The following KNL1 variants were observed in gnomAD, a reference collection of about 807,000 sequenced individuals.
KNL1 encodes kinetochore scaffold 1.
A neutral mutation model predicts 201.3 loss-of-function variants in KNL1; 66 were observed. The observed-to-expected ratio is 0.33, with a 90% CI of 0.27 to 0.40. The LOEUF (loss-of-function observed/expected upper bound fraction) is 0.40. Ranked by LOEUF, KNL1 falls within the 10% of genes least tolerant of loss-of-function variation. KNL1 has a pLI of 1.00. For synonymous variants in KNL1, 895 were observed against 899.2 expected, an observed-to-expected ratio of 1.00 and a Z score of 0.08; for missense variants, 2,815 against 2,690.5, an observed-to-expected ratio of 1.05 and a Z score of -1.02.
At chr15:40,634,225 G>T (rs1007131763) in intron 13 of KNL1, among the ~76,000 whole-genome samples, 1 of 152,126 alleles carries the variant, frequency 6.6e-6, no homozygotes, top group Non-Finnish European at 1.5e-5. Flanking sequence ...TTCTGCCTCA[G>T]CCTCCCAAAT....
Position 40,623,962 on chromosome 15 carries a change from T to C in KNL1, c.3698T>C (p.Leu1233Pro), listed in dbSNP as rs905352279. 9 of 1,613,612 alleles carry C rather than the reference T, an allele frequency of 5.6e-6. No individual in the cohort carries two copies. The Admixed American group carries it at 6.7e-5, about 12-fold the overall frequency. Residue 1233 changes from leucine (L) to proline (P), a missense_variant, in exon 10 of 26, where the codon CTC becomes CCC. This residue lies in a region of KNL1 where 2,464 missense variants were observed against 2,291.7 expected (regional missense o/e 1.08). Transcript: ENST00000399668. ...IVLHTEQKQQ[L>P]FAATNRTTNE... is the part of the protein sequence containing the mutation. ...CTTCACACCGAGCAAAAGCAACAAC[T>C]CTTTGCTGCTACTAATAGAACTACT...
At chr15:40,637,358 G>A (rs1893087354) in intron 13 of KNL1, among the ~76,000 whole-genome samples, 1 of 139,958 alleles carries the variant, frequency 7.1e-6, no homozygotes, top group Non-Finnish European at 1.5e-5. Context: ...GGCTTGATTA[G>A]ATTAACAGCG....
At position 40,644,985 on chromosome 15, in the gene KNL1, T is replaced by G. The variant is rs776292443; in HGVS notation, c.5799-12T>G. 40 of 1,587,178 alleles carry G rather than the reference T, an allele frequency of 2.5e-5. No individual in the cohort carries two copies. Among genetic ancestry groups the G allele is most frequent in the Non-Finnish European group, 3.4e-5 (39 of 1,157,882 alleles). Reference sequence around the variant, plus strand: ...TTTCCCTACAGTGCTAATTAACTTTTCCGTATTTTAGATTAAAGCTTTCTG... The same window carrying G: ...TTTCCCTACAGTGCTAATTAACTTTGCCGTATTTTAGATTAAAGCTTTCTG... On this transcript the variant is annotated splice_polypyrimidine_tract_variant and intron_variant, in intron 14 of 25. Transcript: ENST00000399668.
chr15:40,652,455 C>CTTTTTTTT (rs35374662), intron 21 of KNL1, among the ~76,000 whole-genome samples: 3 of 120,054 alleles, frequency 2.5e-5, no homozygotes, highest in African/African-American at 3.0e-5. Context: ...GCTGGAGATT[C>CTTTTTTTT]TTTTTTTTTT....
chr15:40,613,493 G>T (rs1237586800), intron 7 of KNL1, among the ~76,000 whole-genome samples: 3 of 152,094 alleles, frequency 2.0e-5, no homozygotes, highest in African/African-American at 7.2e-5. Flanking sequence ...TAGTAGTCAT[G>T]GTTTAGAAAA....
rs763193387 is a variant in KNL1, at chr15:40,625,372, T to G, written c.5108T>G (p.Leu1703Arg). The change falls in exon 10 of 26, where the codon CTG becomes CGG. Residue 1703 changes from leucine (L) to arginine (R), a missense_variant. By Grantham distance (102) the Leu-to-Arg change is moderately radical (BLOSUM62 -2). Transcript: ENST00000399668. ...DSGIGSVAGK[L>R]NLSPSQYINE... is the part of the protein sequence containing the mutation. ...GGCATTGGATCTGTTGCAGGTAAAC[T>G]GAACCTAAGTCCTTCTCAATATATA... is the stretch of plus-strand genomic sequence containing the variant. The G allele has an allele frequency of 1.5e-5, 24 of 1,613,940 alleles. No individual in the cohort carries two copies. Among genetic ancestry groups the G allele is most frequent in the Non-Finnish European group, 2.0e-5 (24 of 1,179,978 alleles).
chr15:40,640,845 A>T, intron 13 of KNL1, 67 bp from the exon 14 acceptor site: 1 of 932,004 alleles, frequency 1.1e-6, no homozygotes, highest in Non-Finnish European at 1.7e-6. Flanking sequence ...CTGAAATTTG[A>T]GTTAATTCTT....
At chr15:40,619,181 C>G (rs534999013) in intron 9 of KNL1, among the ~76,000 whole-genome samples, 170 bp downstream of exon 9, 12 of 151,980 alleles carry the variant, frequency 7.9e-5, no homozygotes, top group Middle Eastern at 3.4e-3. Context: ...TAAGTCACAG[C>G]CAGTTTAAGT....
At chr15:40,605,411 C>G (rs1323489322) in intron 3 of KNL1, among the ~76,000 whole-genome samples, 1 of 152,108 alleles carries the variant, frequency 6.6e-6, no homozygotes, top group African/African-American at 2.4e-5. Flanking sequence ...TATGTTTAAC[C>G]TGTGGTACAA....
Position 40,621,676 on chromosome 15 carries a change from C to T in KNL1, c.1412C>T (p.Ser471Phe). The change falls in exon 10 of 26, where the codon TCT becomes TTT. Residue 471 changes from serine to phenylalanine, a missense_variant. By Grantham distance (155) the Ser-to-Phe change is radical. Around this residue, in one of 3 missense-constraint regions of KNL1, gnomAD observed 2,464 missense variants for 2,291.7 expected, o/e 1.08. Transcript: ENST00000399668. The stretch of plus-strand genomic sequence containing the variant: ...TATTGCAATCCAGATGCTATGTCTT[C>T]TCTCACAGAGAAAACTATTTATTCC... ...KMYCNPDAMS[S>F]LTEKTIYSGE... The T allele has an allele frequency of 1.2e-6, 2 of 1,612,498 alleles. No individual in the cohort carries two copies. Among genetic ancestry groups the T allele is most frequent in the Non-Finnish European group, 1.7e-6 (2 of 1,178,832 alleles).
Position 40,661,380 on chromosome 15 carries a change from T to C in KNL1, c.6837-694T>C, listed in dbSNP as rs549451720. Among the ~76,000 whole-genome samples the C allele has an allele frequency of 1.1e-4, 17 of 151,998 alleles. 1 individual carries two copies. In the East Asian group the frequency reaches 3.3e-3, roughly 30 times the overall value. ...GGTGGCAGGTGCCTGTAATCCCAGC[T>C]ACTCGGGAGGCCGAGGTAGGAGAAT... On this transcript the variant is annotated intron_variant, in intron 25 of 25. Coordinates refer to ENST00000399668, the MANE Select transcript of KNL1 (RefSeq NM_144508.5).
At chr15:40,656,955 G>A in intron 22 of KNL1, 87 bp from the exon 23 acceptor site, 1 of 561,600 alleles carries the variant, frequency 1.8e-6, no homozygotes, top group Non-Finnish European at 3.1e-6. Context: ...AATATTTCTA[G>A]CTTATATAAT....
At position 40,624,748 on chromosome 15, in the gene KNL1, G is replaced by C. The variant is rs749680600; in HGVS notation, c.4484G>C (p.Ser1495Thr). The change falls in exon 10 of 26, where the codon AGT becomes ACT. Residue 1495 changes from serine (S) to threonine (T), a missense_variant. This residue lies in a region of KNL1 where 2,464 missense variants were observed against 2,291.7 expected (regional missense o/e 1.08). Coordinates refer to ENST00000399668, the MANE Select transcript of KNL1 (RefSeq NM_144508.5). ...GAAAACAAGCCCAAAATACTCAATA[G>C]TGAGGAATGGTTTGCTGCAGCCTGT... ...ICENKPKILNSEEWFAAACKK... is the reference protein window; with the variant it reads ...ICENKPKILNTEEWFAAACKK... The C allele has an allele frequency of 1.2e-6, 2 of 1,613,818 alleles. No individual in the cohort carries two copies. The highest frequency in any genetic ancestry group is 4.5e-5 in the East Asian group (2 of 44,860).
chr15:40,657,194 T>G (rs182433905), intron 23 of KNL1, 43 bp downstream of exon 23: 1 of 1,300,256 alleles, frequency 7.7e-7, no homozygotes, highest in Admixed American at 2.0e-5. Flanking sequence ...TTGTGATATC[T>G]TTCCAAAAAA....
chr15:40,646,780 C>A (rs1172608613), intron 16 of KNL1: 2 of 316,252 alleles, frequency 6.3e-6, no homozygotes, highest in Admixed American at 9.8e-5. Context: ...TGGCATGAAC[C>A]CGGGAGGCGG....
At chr15:40,632,338 A>G (rs1892935037) in intron 13 of KNL1, among the ~76,000 whole-genome samples, 1 of 152,048 alleles carries the variant, frequency 6.6e-6, no homozygotes, top group African/African-American at 2.4e-5. Flanking sequence ...GTTGGGTGCC[A>G]TGGCTCACAT....
rs1892065119 is a variant in KNL1, at chr15:40,608,898, G to A, written c.187G>A (p.Asp63Asn). Reference sequence around the variant, plus strand: ...AAACTCTCGTCGAGTCAGCTTTGCAGATACTATAAAGTAAGTTGAAAGCAG... The same window carrying A: ...AAACTCTCGTCGAGTCAGCTTTGCAAATACTATAAAGTAAGTTGAAAGCAG... ...KKNSRRVSFA[D>N]TIKVFQTESH... The change falls in exon 5 of 26, where the codon GAT (aspartate) becomes AAT (asparagine). Residue 63 changes from aspartate to asparagine, a missense_variant. Physicochemically the swap from Asp to Asn is conservative, Grantham distance 23. Transcript: ENST00000399668. The A allele has an allele frequency of 6.2e-7, 1 of 1,609,386 alleles. No individual in the cohort carries two copies. Among genetic ancestry groups the A allele is most frequent in the Admixed American group, 1.7e-5 (1 of 59,868 alleles).
intron 13 of KNL1, among the ~76,000 whole-genome samples, chr15:40,637,165 TTTTTTCTTTC>T (rs1183609218): frequency 7.3e-6 from 1 of 137,468 alleles, no homozygotes; most frequent in East Asian, 1.9e-4. Flanking sequence ...TCTCTTTTTC[TTTTTTCTTTC>T]TTTTTTTTTT....
At chr15:40,660,526 C>T (rs1595953194) in intron 25 of KNL1, among the ~76,000 whole-genome samples, 2 of 151,834 alleles carry the variant, frequency 1.3e-5, no homozygotes, top group South Asian at 4.2e-4. Context: ...ATTAGCCAGG[C>T]GTGGCGGTGG....
Sources: gnomAD v4.1 joint callset for allele counts (sites outside exome capture counted in the v4.1 genomes callset) on GRCh38, gnomAD v4.1.1 for gene constraint, gnomAD v4.1.1 regional missense constraint, MANE v1.5 for transcripts, NCBI Gene and HGNC (gene_info 2026-07-23, HGNC 2026-07-21) for gene names.